The following TMEM161B variants were observed in gnomAD, a reference collection of about 807,000 sequenced individuals.
The protein encoded by TMEM161B is transmembrane protein 161B.
In TMEM161B, 34 loss-of-function variants were observed where a neutral mutation model predicts 61.8. That is an observed-to-expected ratio of 0.55 (90% CI 0.42 to 0.73). The LOEUF is 0.73. TMEM161B is among the 30% of genes least tolerant of loss of function. The pLI, the probability that TMEM161B is intolerant of heterozygous loss-of-function variation, is 0.00. For missense variants in TMEM161B, 456 were observed against 558.5 expected, an observed-to-expected ratio of 0.82 and a Z score of 1.85; for synonymous variants, 167 against 192.8, an observed-to-expected ratio of 0.87 and a Z score of 1.11.
chr5:88,232,851 G>T (rs1751238225), intron 2 of TMEM161B, among the ~76,000 whole-genome samples: 1 of 152,200 alleles, frequency 6.6e-6, no homozygotes. Flanking sequence ...TGCGATTACA[G>T]GCGTGAGCCA....
Position 88,199,021 on chromosome 5 carries a change from C to T in TMEM161B, c.1044G>A (p.Met348Ile), listed in dbSNP as rs1408556485. The change falls in exon 10 of 12, where the codon ATG becomes ATA. Residue 348 changes from methionine (M) to isoleucine (I), a missense_variant. Around this residue, in one of 3 missense-constraint regions of TMEM161B, gnomAD observed 367 missense variants for 427.3 expected, o/e 0.86. Coordinates refer to ENST00000296595, the MANE Select transcript of TMEM161B (RefSeq NM_153354.5). The part of the protein sequence containing the change: ...LNLAQKCVDQ[M>I]KKEAGRISTV... ...TGCTTATTCGCCCCGCTTCTTTCTTCATCTGATCCACACATTTTTGGGCTA... is the reference window on the plus strand; with the variant it reads ...TGCTTATTCGCCCCGCTTCTTTCTTTATCTGATCCACACATTTTTGGGCTA... The T allele has an allele frequency of 1.2e-6, 2 of 1,612,472 alleles. No individual in the cohort carries two copies. The highest frequency in any genetic ancestry group is 1.7e-6 in the Non-Finnish European group (2 of 1,179,330).
At chr5:88,249,286 C>T (rs1237958167) in intron 1 of TMEM161B, among the ~76,000 whole-genome samples, 1 of 152,012 alleles carries the variant, frequency 6.6e-6, no homozygotes, top group Non-Finnish European at 1.5e-5. Flanking sequence ...TGAATCCAGG[C>T]CATCATCACA....
intron 1 of TMEM161B, among the ~76,000 whole-genome samples, chr5:88,247,301 C>T (rs969585942): frequency 3.3e-5 from 5 of 152,008 alleles, no homozygotes; most frequent in African/African-American, 4.8e-5. Flanking sequence ...TAAATACAAA[C>T]GTGCTGCAAT....
intron 8 of TMEM161B, among the ~76,000 whole-genome samples, chr5:88,203,814 T>TATATATATAA (rs1561312968): frequency 1.1e-5 from 1 of 90,230 alleles, no homozygotes; most frequent in Non-Finnish European, 2.1e-5. Flanking sequence ...TATATATATA[T>TATATATATAA]AATTTGCATT....
chr5:88,186,160 A>C (rs1304198487), downstream of TMEM161B, among the ~76,000 whole-genome samples: 3 of 152,350 alleles, frequency 2.0e-5, no homozygotes, highest in Non-Finnish European at 2.9e-5. Flanking sequence ...GCTTTTACTA[A>C]ACATTTTATG....
At chr5:88,235,968 A>C (rs1452531959) in intron 2 of TMEM161B, among the ~76,000 whole-genome samples, 3 of 152,200 alleles carry the variant, frequency 2.0e-5, no homozygotes, top group African/African-American at 7.2e-5. Flanking sequence ...GCAAGGACTC[A>C]GGCATTCCGT....
downstream of TMEM161B, among the ~76,000 whole-genome samples, chr5:88,187,648 C>A (rs1417967376): frequency 1.3e-5 from 2 of 152,058 alleles, no homozygotes; most frequent in Non-Finnish European, 2.9e-5. Context: ...CTGTAGTCAT[C>A]TCATATTTTG....
chr5:88,253,590 C>A (rs547684202), intron 1 of TMEM161B, among the ~76,000 whole-genome samples: 4 of 152,132 alleles, frequency 2.6e-5, no homozygotes, highest in Non-Finnish European at 5.9e-5. Flanking sequence ...GTATGGGTTG[C>A]ACACAATGGA....
At position 88,254,859 on chromosome 5, in the gene TMEM161B, G is replaced by GA. The variant is rs200832129; in HGVS notation, c.3+13861dup. ...TGTAACTGTAAAAAAAATTTTAAGG[G>GA]AAAAAAAAAAAAAAGATTGATCATC... is the stretch of plus-strand genomic sequence containing the variant. On this transcript the variant is annotated intron_variant, in intron 1 of 11. Coordinates refer to ENST00000296595, the MANE Select transcript of TMEM161B (RefSeq NM_153354.5). Among the ~76,000 whole-genome samples, 1,206 of 129,382 alleles carry GA rather than the reference G, an allele frequency of 9.3e-3. 9 individuals are homozygous for GA. Among genetic ancestry groups the GA allele is most frequent in the Non-Finnish European group, 0.012 (738 of 59,584 alleles). The allele number at this position is 129,382 out of a possible 152,430, so 84.9% of individuals were successfully genotyped here. A position where few individuals can be genotyped will look rare whatever the true frequency, so the allele number is the denominator to read the frequency against.
intron 9 of TMEM161B, chr5:88,201,332 T>TA (rs1744367089): frequency 6.6e-6 from 1 of 152,056 alleles, no homozygotes; most frequent in South Asian, 2.1e-4. Flanking sequence ...ACATGAAGTT[T>TA]AATCAGACTG....
chr5:88,229,645 G>A (rs1302192163), intron 2 of TMEM161B, among the ~76,000 whole-genome samples: 2 of 148,884 alleles, frequency 1.3e-5, no homozygotes, highest in Non-Finnish European at 3.0e-5. Context: ...TTTGACAAAG[G>A]CCCTATTATT....
At chr5:88,190,024 A>G (rs1262979538) in exon 13 of TMEM161B, 1 of 700,104 alleles carries the variant, frequency 1.4e-6, no homozygotes, top group Non-Finnish European at 2.6e-6. Flanking sequence ...CCGATCCGTA[A>G]GGGCAGTCCA....
chr5:88,217,363 T>C (rs1283207900), intron 5 of TMEM161B, among the ~76,000 whole-genome samples: 1 of 152,044 alleles, frequency 6.6e-6, no homozygotes, highest in African/African-American at 2.4e-5. Context: ...GGAACATAAA[T>C]GAAGTAAGAG....
intron 1 of TMEM161B, among the ~76,000 whole-genome samples, chr5:88,260,249 T>C (rs1303744866): frequency 6.6e-6 from 1 of 152,214 alleles, no homozygotes; most frequent in Admixed American, 6.5e-5. Context: ...ATGAAACCCT[T>C]CTTGAATTCC....
intron 1 of TMEM161B, among the ~76,000 whole-genome samples, chr5:88,253,423 T>A (rs952254534): frequency 5.3e-5 from 8 of 152,090 alleles, no homozygotes. Context: ...TTCACAGAGG[T>A]GACATCCGAA....
chr5:88,226,653 T>C (rs1276823165), intron 3 of TMEM161B, among the ~76,000 whole-genome samples: 1 of 152,108 alleles, frequency 6.6e-6, no homozygotes, highest in Non-Finnish European at 1.5e-5. Flanking sequence ...TATCCTTGAA[T>C]AAAAAACTGG....
intron 5 of TMEM161B, among the ~76,000 whole-genome samples, chr5:88,213,079 T>C (rs1580431085): frequency 2.0e-5 from 3 of 152,296 alleles, no homozygotes; most frequent in South Asian, 2.1e-4. Flanking sequence ...AAATCCCTAA[T>C]GTTTTTCTAT....
Position 88,228,517 on chromosome 5 carries a change from T to C in TMEM161B, c.119A>G (p.Tyr40Cys). The part of the protein sequence containing the change: ...WLLCNGSLRW[Y>C]QHPTEEELRI... ...TAATTCTTCTTCTGTAGGATGTTGA[T>C]ACCACCTCAAACTAAGCAAAAAAAG... The change falls in exon 3 of 12, where the codon TAT (tyrosine) becomes TGT (cysteine). Residue 40 changes from tyrosine (Y) to cysteine (C), a missense_variant. Physicochemically the swap from Tyr to Cys is radical, Grantham distance 194 (BLOSUM62 -2). This residue lies in a region of TMEM161B where 85 missense variants were observed against 111.2 expected (regional missense o/e 0.76). Transcript: ENST00000296595. 2 of 1,605,504 alleles carry C rather than the reference T, an allele frequency of 1.2e-6. No individual in the cohort carries two copies. The highest frequency in any genetic ancestry group is 1.7e-6 in the Non-Finnish European group (2 of 1,177,378).
chr5:88,241,272 A>T (rs1054240866), intron 1 of TMEM161B, among the ~76,000 whole-genome samples: 1 of 151,872 alleles, frequency 6.6e-6, no homozygotes, highest in African/African-American at 2.4e-5. Flanking sequence ...CATTTTATAT[A>T]AGGGACTTGA....
Sources: gnomAD v4.1 joint callset for allele counts (sites outside exome capture counted in the v4.1 genomes callset) on GRCh38, gnomAD v4.1.1 for gene constraint, gnomAD v4.1.1 regional missense constraint, MANE v1.5 for transcripts, NCBI Gene and HGNC (gene_info 2026-07-23, HGNC 2026-07-21) for gene names.